Variants in BANK1 observed in about 807,000 individuals in gnomAD.
The protein encoded by BANK1 is B cell scaffold protein with ankyrin repeats 1, also known as B-cell scaffold protein with ankyrin repeats.
In BANK1, 95 loss-of-function variants were observed where a neutral mutation model predicts 94.5. The observed-to-expected ratio is 1.00, with a 90% confidence interval of 0.85 to 1.19. The LOEUF (loss-of-function observed/expected upper bound fraction) is 1.19. Among genes scored for constraint, BANK1 ranks in the 50% most tolerant of loss-of-function variants. The pLI is 0.00. For missense variants in BANK1, 987 were observed against 932.2 expected (o/e 1.06, Z -0.77); for synonymous variants, 334 against 308.4 (o/e 1.08, Z -0.87).
chr4:101,910,908 G>T (rs1685099168), intron 6 of BANK1, among the ~76,000 whole-genome samples: 1 of 152,060 alleles, frequency 6.6e-6, no homozygotes, highest in Admixed American at 6.5e-5. Context: ...CACTCTCAGA[G>T]GGCACAGAAG....
chr4:102,008,338 T>C (rs751052216), intron 7 of BANK1, among the ~76,000 whole-genome samples: 3 of 152,204 alleles, frequency 2.0e-5, no homozygotes, highest in Non-Finnish European at 4.4e-5. Context: ...TGAAACTCCT[T>C]TGAAAAACAT....
chr4:102,010,409 T>TGG (rs1553940980), intron 7 of BANK1, among the ~76,000 whole-genome samples: 2 of 150,326 alleles, frequency 1.3e-5, no homozygotes, highest in African/African-American at 4.9e-5. Context: ...TTTTTTTTTT[T>TGG]GGGACGGAGT....
intron 15 of BANK1, among the ~76,000 whole-genome samples, chr4:102,073,061 T>C (rs1728809056): frequency 6.6e-6 from 1 of 152,068 alleles, no homozygotes; most frequent in South Asian, 2.1e-4. Context: ...CTTTGCTAAC[T>C]TCTTATAATG....
At chr4:102,007,146 T>TATATATATATA (rs1560682317) in intron 7 of BANK1, among the ~76,000 whole-genome samples, 82 of 38,046 alleles carry the variant, frequency 2.2e-3, no homozygotes, top group South Asian at 3.6e-3. Flanking sequence ...AAAATATATT[T>TATATATATATA]TATATATATA....
intron 6 of BANK1, among the ~76,000 whole-genome samples, chr4:101,898,133 T>C (rs989852776): frequency 1.3e-5 from 2 of 151,920 alleles, no homozygotes; most frequent in African/African-American, 4.8e-5. Flanking sequence ...CTCTAATTTC[T>C]AATTAAAATA....
intron 7 of BANK1, among the ~76,000 whole-genome samples, chr4:102,015,581 C>G (rs557291789): frequency 6.6e-6 from 1 of 152,266 alleles, no homozygotes; most frequent in African/African-American, 2.4e-5. Context: ...GTGTCTTTAT[C>G]TCTAAATAAC....
chr4:101,855,987 G>C (rs1342940903), intron 3 of BANK1, among the ~76,000 whole-genome samples: 2 of 152,142 alleles, frequency 1.3e-5, no homozygotes, highest in Non-Finnish European at 2.9e-5. Context: ...ACATGAAAAA[G>C]ATGCTGGGCC....
At chr4:101,939,262 C>T (rs552290676) in intron 7 of BANK1, among the ~76,000 whole-genome samples, 1 of 151,864 alleles carries the variant, frequency 6.6e-6, no homozygotes, top group South Asian at 2.1e-4. Context: ...TCAAAAGCTA[C>T]TTCTGACTAC....
intron 8 of BANK1, 73 bp from the exon 9 acceptor site, chr4:102,025,128 A>G: frequency 2.0e-6 from 3 of 1,492,260 alleles, no homozygotes; most frequent in Admixed American, 3.8e-5. Flanking sequence ...CTATTTCTGT[A>G]CAATTTTATA....
At chr4:102,002,800 A>C (rs1157627709) in intron 7 of BANK1, among the ~76,000 whole-genome samples, 1 of 152,014 alleles carries the variant, frequency 6.6e-6, no homozygotes, top group East Asian at 1.9e-4. Flanking sequence ...AAAGCAGGTA[A>C]CTCTAGTAAA....
In BANK1 at chr4:101,866,909, G is replaced by T. The variant is rs1426040770; in HGVS notation, c.764-3596G>T. On this transcript the variant is annotated intron_variant, in intron 4 of 16. Coordinates refer to ENST00000322953, the MANE Select transcript of BANK1 (RefSeq NM_017935.5). ...AAACCATCATTCTCAGTAAACTATC[G>T]CAAGAACAAAAAACCAAACGCCGCA... 4.3e-5 allele frequency among the ~76,000 whole-genome samples: 3 copies of T among 69,162 alleles called. 1 individual carries two copies. Among genetic ancestry groups the T allele is most frequent in the East Asian group, 6.8e-4 (2 of 2,960 alleles). The allele number at this position is 69,162 out of a possible 152,430, so 45.4% of individuals were successfully genotyped here. A position where few individuals can be genotyped will look rare whatever the true frequency, so the allele number is the denominator to read the frequency against.
Position 102,016,045 on chromosome 4 carries a change from C to T in BANK1, c.1207-5469C>T, listed in dbSNP as rs182486047. ...TAAAACCATCCACGAAGTATTCTTGCTGTTTTGTTCATGGTCCCCCATTGG... is the reference window on the plus strand; with the variant it reads ...TAAAACCATCCACGAAGTATTCTTGTTGTTTTGTTCATGGTCCCCCATTGG... On this transcript the variant is annotated intron_variant, in intron 7 of 16. Coordinates refer to ENST00000322953, the MANE Select transcript of BANK1 (RefSeq NM_017935.5). Among the ~76,000 whole-genome samples the T allele has an allele frequency of 1.3e-3, 197 of 152,296 alleles. 2 individuals are homozygous for T. The highest frequency in any genetic ancestry group is 2.1e-4 in the Non-Finnish European group (14 of 68,008).
intron 1 of BANK1, among the ~76,000 whole-genome samples, chr4:101,804,004 A>C (rs1239745077): frequency 1.2e-5 from 1 of 83,202 alleles, no homozygotes; most frequent in Admixed American, 1.1e-4. Context: ...TCTCAAAAAA[A>C]AAAAAAAAAA....
intron 2 of BANK1, among the ~76,000 whole-genome samples, chr4:101,832,895 C>G (rs1021204006): frequency 6.6e-6 from 1 of 151,412 alleles, no homozygotes; most frequent in Non-Finnish European, 1.5e-5. Context: ...TCCCTCCCTT[C>G]CTCCCTTCCT....
At chr4:101,971,232 G>A (rs531624431) in intron 7 of BANK1, among the ~76,000 whole-genome samples, 1 of 152,112 alleles carries the variant, frequency 6.6e-6, no homozygotes, top group South Asian at 2.1e-4. Context: ...TAAACTCCAG[G>A]GGATACTGAG....
At chr4:101,882,189 A>AAT (rs929469398) in intron 5 of BANK1, among the ~76,000 whole-genome samples, 3 of 152,114 alleles carry the variant, frequency 2.0e-5, no homozygotes, top group Non-Finnish European at 4.4e-5. Flanking sequence ...GTCCCCCATA[A>AAT]ATATATATAC....
At chr4:102,027,139 A>C (rs1727132409) in intron 9 of BANK1, among the ~76,000 whole-genome samples, 1 of 152,096 alleles carries the variant, frequency 6.6e-6, no homozygotes, top group African/African-American at 2.4e-5. Flanking sequence ...ATTCTGGCAT[A>C]TTTTTCTCAT....
chr4:101,793,423 C>G (rs1473840487), intron 1 of BANK1, among the ~76,000 whole-genome samples: 1 of 152,124 alleles, frequency 6.6e-6, no homozygotes, highest in Non-Finnish European at 1.5e-5. Flanking sequence ...ATTTTAAAGA[C>G]AAGGAGTGCT....
intron 7 of BANK1, among the ~76,000 whole-genome samples, chr4:101,980,870 G>A (rs1217815561): frequency 5.3e-5 from 8 of 151,872 alleles, no homozygotes; most frequent in Non-Finnish European, 1.0e-4. Flanking sequence ...TCTTCATCAG[G>A]ATCTTCTAAC....
Sources: gnomAD v4.1 joint callset for allele counts (sites outside exome capture counted in the v4.1 genomes callset) on GRCh38, gnomAD v4.1.1 for gene constraint, MANE v1.5 for transcripts, NCBI Gene and HGNC (gene_info 2026-07-23, HGNC 2026-07-21) for gene names.